Variants in TRDN observed in about 807,000 individuals in gnomAD.
TRDN encodes the protein triadin in skeletal muscle.
In TRDN, 161 loss-of-function variants were observed where a neutral mutation model predicts 149.7. The ratio of observed to expected loss-of-function variants is 1.08; its 90% CI spans 0.95 to 1.23. TRDN has a LOEUF of 1.23. Ranked by LOEUF, TRDN falls within the 50% of genes most tolerant of loss-of-function variation. TRDN has a pLI of 0.00. For missense variants in TRDN, 896 were observed against 823.5 expected (o/e 1.09, Z -1.08); for synonymous variants, 294 against 250.5 (o/e 1.17, Z -1.64).
chr6:123,216,397 T>C lies in TRDN; in HGVS notation c.*2204A>G, dbSNP rs892034028. On this transcript the variant is annotated 3_prime_UTR_variant, in exon 41 of 41. Transcript: ENST00000334268. ...ATATATAAACAAATGACAGTTCAGATAATATTTTTAAAGTGCTATGATCAT... is the reference window on the plus strand; with the variant it reads ...ATATATAAACAAATGACAGTTCAGACAATATTTTTAAAGTGCTATGATCAT... 1 of 151,986 alleles carries C rather than the reference T, an allele frequency of 6.6e-6. No homozygotes were observed. Among genetic ancestry groups the C allele is most frequent in the Admixed American group, 6.6e-5 (1 of 15,226 alleles). The allele number at this position is 151,986 out of a possible 1,614,324, so 9.4% of individuals were successfully genotyped here.
chr6:123,479,775 A>G (rs543110998), intron 9 of TRDN, among the ~76,000 whole-genome samples: 162 of 152,308 alleles, frequency 1.1e-3, no homozygotes, highest in African/African-American at 3.7e-3. Context: ...ATTTCAATTA[A>G]TTACAGATAG....
At position 123,216,468 on chromosome 6, in the gene TRDN, A is replaced by G. The variant is rs1308640724; in HGVS notation, c.*2133T>C. On this transcript the variant is annotated 3_prime_UTR_variant, in exon 41 of 41. Coordinates refer to ENST00000334268, the MANE Select transcript of TRDN (RefSeq NM_006073.4). ...ACGTAATTATTATTAACATTTTTAC[A>G]TTATAGCTGATTTGTCTAAATTCTA... The G allele has an allele frequency of 1.3e-5, 2 of 151,964 alleles. No individual in the cohort carries two copies. Among genetic ancestry groups the G allele is most frequent in the East Asian group, 1.9e-4 (1 of 5,160 alleles). The allele number at this position is 151,964 out of a possible 1,614,324, so 9.4% of individuals were successfully genotyped here. A position where few individuals can be genotyped will look rare whatever the true frequency, so the allele number is the denominator to read the frequency against.
At chr6:123,248,350 A>G (rs1776256076) in intron 38 of TRDN, among the ~76,000 whole-genome samples, 1 of 152,094 alleles carries the variant, frequency 6.6e-6, no homozygotes, top group Non-Finnish European at 1.5e-5. Flanking sequence ...TGAGGTCAGG[A>G]GTTCGAGACC....
At chr6:123,374,796 A>G (rs1258739413) in intron 19 of TRDN, among the ~76,000 whole-genome samples, 1 of 152,002 alleles carries the variant, frequency 6.6e-6, no homozygotes, top group Non-Finnish European at 1.5e-5. Flanking sequence ...CAAAAACAAA[A>G]AAACAAACAA....
At chr6:123,343,062 T>C (rs7769239) in intron 21 of TRDN, among the ~76,000 whole-genome samples, 77,107 of 151,864 alleles carry the variant, frequency 0.51, 20,637 homozygotes, top group Non-Finnish European at 0.61. Context: ...CAATTTGTAA[T>C]CTTTGTGTGG....
chr6:123,631,731 G>T (rs2114743551), intron 1 of TRDN, among the ~76,000 whole-genome samples: 1 of 151,836 alleles, frequency 6.6e-6, no homozygotes, highest in South Asian at 2.1e-4. Flanking sequence ...TCTTTATTGT[G>T]AAGAAGCTTA....
intron 10 of TRDN, among the ~76,000 whole-genome samples, chr6:123,447,922 A>T (rs12197678): frequency 0.039 from 6,004 of 152,254 alleles, 171 homozygotes; most frequent in Middle Eastern, 0.079. Flanking sequence ...GAGTGCCCCA[A>T]CTGTGGAAGT....
chr6:123,629,910 G>A lies in TRDN; in HGVS notation c.22+6844C>T, dbSNP rs1032243018. Among the ~76,000 whole-genome samples the A allele has an allele frequency of 4.6e-5, 7 of 152,160 alleles. No individual in the cohort carries two copies. The East Asian group carries it at 1.4e-3, about 29-fold the overall frequency. ...TAAAAATTACTATCTGTTTGGACCA[G>A]GAAGTTCATCTGTCTCTGCATAACC... is the stretch of plus-strand genomic sequence containing the variant. On this transcript the variant is annotated intron_variant, in intron 1 of 40. Transcript: ENST00000334268.
intron 9 of TRDN, among the ~76,000 whole-genome samples, chr6:123,466,901 G>C (rs186625266): frequency 1.4e-4 from 21 of 151,966 alleles, no homozygotes; most frequent in African/African-American, 4.8e-4. Flanking sequence ...ATAGTAGTGG[G>C]TGTATAATTA....
At chr6:123,341,250 A>C (rs1780054314) in intron 21 of TRDN, among the ~76,000 whole-genome samples, 1 of 141,708 alleles carries the variant, frequency 7.1e-6, no homozygotes. Flanking sequence ...TACTGTAGAC[A>C]CTTCATTAAC....
intron 12 of TRDN, among the ~76,000 whole-genome samples, chr6:123,396,391 A>G (rs969770081): frequency 6.6e-6 from 1 of 152,176 alleles, no homozygotes; most frequent in Non-Finnish European, 1.5e-5. Flanking sequence ...ATCATATCAA[A>G]TGATTTTATC....
At chr6:123,306,001 G>A (rs720203) in intron 24 of TRDN, among the ~76,000 whole-genome samples, 16,646 of 152,066 alleles carry the variant, frequency 0.11, 1,180 homozygotes, top group Admixed American at 0.22. Context: ...TTCAGAATTA[G>A]GTTTAAGCTT....
At chr6:123,255,968 C>G (rs1368026085) in intron 35 of TRDN, 66 bp from the exon 36 acceptor site, 1 of 961,878 alleles carries the variant, frequency 1.0e-6, no homozygotes, top group African/African-American at 1.7e-5. Flanking sequence ...ACTTTAAGTT[C>G]TGGGATACAT....
chr6:123,259,451 CTA>C lies in TRDN; in HGVS notation c.1870+171_1870+172del, dbSNP rs1159636785. ...TAGATATTTAATAAAAATGCAATAA[CTA>C]TATGTTTTGCATGATGAACTGTAAT... is the stretch of plus-strand genomic sequence containing the variant. On this transcript the variant is annotated intron_variant, in intron 35 of 40. Coordinates refer to ENST00000334268, the MANE Select transcript of TRDN (RefSeq NM_006073.4). Among the ~76,000 whole-genome samples, 4 of 152,092 alleles carry C rather than the reference CTA, an allele frequency of 2.6e-5. No individual in the cohort carries two copies. The East Asian group carries it at 7.8e-4, about 29-fold the overall frequency.
At chr6:123,432,913 C>T (rs567502702) in intron 12 of TRDN, among the ~76,000 whole-genome samples, 29 of 152,012 alleles carry the variant, frequency 1.9e-4, no homozygotes, top group African/African-American at 7.0e-4. Flanking sequence ...AGGTGTTGGA[C>T]TTCCCCAGGT....
chr6:123,559,767 G>A (rs6903374), intron 2 of TRDN, among the ~76,000 whole-genome samples: 75,261 of 151,486 alleles, frequency 0.5, 19,377 homozygotes, highest in East Asian at 0.91. Flanking sequence ...TTCAGGATCT[G>A]CGCCTTATCA....
rs527568212 is a variant in TRDN, at chr6:123,472,188, G to A, written c.854-7205C>T. 3.3e-5 allele frequency among the ~76,000 whole-genome samples: 5 copies of A among 152,324 alleles called. No individual in the cohort carries two copies. The South Asian group carries it at 1.0e-3, about 32-fold the overall frequency. The stretch of plus-strand genomic sequence containing the variant: ...GAGGTACCGGGTTCATCTCACTAGG[G>A]AATGCCAGACAGTGGGCGCAGGTCA... On this transcript the variant is annotated intron_variant, in intron 9 of 40. Coordinates refer to ENST00000334268, the MANE Select transcript of TRDN (RefSeq NM_006073.4).
intron 10 of TRDN, among the ~76,000 whole-genome samples, chr6:123,455,637 T>A (rs924724196): frequency 2.6e-5 from 4 of 152,134 alleles, no homozygotes; most frequent in Non-Finnish European, 5.9e-5. Context: ...AAATTACAAA[T>A]GCTTTTGTTT....
At chr6:123,335,255 T>C (rs2114733208) in intron 22 of TRDN, among the ~76,000 whole-genome samples, 1 of 152,000 alleles carries the variant, frequency 6.6e-6, no homozygotes, top group East Asian at 2.0e-4. Flanking sequence ...AATTAAAAAG[T>C]AGATATATTT....
Sources: gnomAD v4.1 joint callset for allele counts (sites outside exome capture counted in the v4.1 genomes callset) on GRCh38, gnomAD v4.1.1 for gene constraint, MANE v1.5 for transcripts, NCBI Gene and HGNC (gene_info 2026-07-23, HGNC 2026-07-21) for gene names.